TAB2: variants seen among roughly 807,000 people sequenced by gnomAD.
TAB2 encodes TGF-beta-activated kinase 1 and MAP3K7-binding protein 2.
Under a neutral mutation model 65.0 loss-of-function variants are expected in TAB2, and 3 were observed. That is an observed-to-expected ratio of 0.05 (90% CI 0.02 to 0.12). The LOEUF (loss-of-function observed/expected upper bound fraction) is 0.12. Ranked by LOEUF, TAB2 falls within the 10% of genes least tolerant of loss-of-function variation. The pLI, the probability that TAB2 is intolerant of heterozygous loss-of-function variation, is 1.00. For missense variants in TAB2, 623 were observed against 840.3 expected, an observed-to-expected ratio of 0.74 and a Z score of 3.20; for synonymous variants, 298 against 285.1, an observed-to-expected ratio of 1.05 and a Z score of -0.46.
chr6:149,294,960 A>G (rs1373532020), intron 1 of TAB2, among the ~76,000 whole-genome samples: 1 of 152,254 alleles, frequency 6.6e-6, no homozygotes, highest in East Asian at 1.9e-4. Context: ...GAAATATAAC[A>G]CACAGGTAAA....
At chr6:149,218,275 G>T (rs1562376868), upstream of TAB2, among the ~76,000 whole-genome samples, 1 of 152,134 alleles carries the variant, frequency 6.6e-6, no homozygotes. Flanking sequence ...TTGGTTCTTG[G>T]CCACACAGAA....
At chr6:149,232,703 A>G (rs1437369911) in intron 1 of TAB2, among the ~76,000 whole-genome samples, 1 of 152,194 alleles carries the variant, frequency 6.6e-6, no homozygotes, top group East Asian at 1.9e-4. Context: ...AGCTGTCCCT[A>G]TATAGCAAGC....
At chr6:149,250,489 A>T (rs1429173845) in intron 1 of TAB2, among the ~76,000 whole-genome samples, 2 of 152,120 alleles carry the variant, frequency 1.3e-5, no homozygotes, top group Admixed American at 1.3e-4. Flanking sequence ...TATTTTTAGT[A>T]GAGACAGGGT....
At chr6:149,233,214 C>A (rs1777437375) in intron 1 of TAB2, among the ~76,000 whole-genome samples, 1 of 152,170 alleles carries the variant, frequency 6.6e-6, no homozygotes, top group Non-Finnish European at 1.5e-5. Context: ...CAAGGGCTTT[C>A]CAGCACAAGT....
At chr6:149,329,040 A>AG (rs1314895659) in intron 1 of TAB2, among the ~76,000 whole-genome samples, 1 of 152,162 alleles carries the variant, frequency 6.6e-6, no homozygotes, top group African/African-American at 2.4e-5. Context: ...ACAGTGCATT[A>AG]GGTACCAGTG....
intron 1 of TAB2, among the ~76,000 whole-genome samples, chr6:149,240,522 C>T (rs1466311347): frequency 6.6e-6 from 1 of 151,986 alleles, no homozygotes; most frequent in African/African-American, 2.4e-5. Flanking sequence ...TCAGAATGTT[C>T]TGTAAAGTGT....
intron 3 of TAB2, among the ~76,000 whole-genome samples, chr6:149,390,138 A>T (rs1166384723): frequency 3.3e-5 from 5 of 152,206 alleles, no homozygotes; most frequent in African/African-American, 1.2e-4. Context: ...TAATACAGTG[A>T]TATATAAAAC....
intron 3 of TAB2, among the ~76,000 whole-genome samples, chr6:149,386,924 GC>G (rs1216688011): frequency 1.3e-5 from 2 of 152,126 alleles, no homozygotes; most frequent in Non-Finnish European, 2.9e-5. Flanking sequence ...TTGGAGAAAT[GC>G]CTATTCATAT....
At chr6:149,275,286 A>AAGAAAGAAAGAAAGAAAGATAGAT (rs1554255842) in intron 1 of TAB2, among the ~76,000 whole-genome samples, 15 of 146,624 alleles carry the variant, frequency 1.0e-4, no homozygotes, top group African/African-American at 3.5e-4. Context: ...GAAAGAAAGA[A>AAGAAAGAAAGAAAGAAAGATAGAT]AGAAAGAAAG....
intron 1 of TAB2, among the ~76,000 whole-genome samples, chr6:149,267,780 A>T (rs1029708767): frequency 6.6e-6 from 1 of 152,202 alleles, no homozygotes; most frequent in African/African-American, 2.4e-5. Context: ...CCCGTACAGC[A>T]TATTACTGTA....
intron 1 of TAB2, among the ~76,000 whole-genome samples, chr6:149,233,095 A>G (rs1777435335): frequency 6.6e-6 from 1 of 152,182 alleles, no homozygotes; most frequent in Non-Finnish European, 1.5e-5. Context: ...CAGACCCACC[A>G]GCCGGAAGAT....
At chr6:149,351,815 T>G (rs1181639649) in intron 1 of TAB2, among the ~76,000 whole-genome samples, 1 of 152,222 alleles carries the variant, frequency 6.6e-6, no homozygotes, top group Non-Finnish European at 1.5e-5. Flanking sequence ...CATAATTGTC[T>G]CATCTAGTTA....
intron 1 of TAB2, among the ~76,000 whole-genome samples, chr6:149,264,292 A>C (rs1778216388): frequency 6.6e-6 from 1 of 152,186 alleles, no homozygotes; most frequent in Non-Finnish European, 1.5e-5. Context: ...GGTCCCTGAC[A>C]GAGGGATTTA....
At chr6:149,279,217 G>A (rs1290202008) in intron 1 of TAB2, among the ~76,000 whole-genome samples, 1 of 152,262 alleles carries the variant, frequency 6.6e-6, no homozygotes, top group East Asian at 1.9e-4. Context: ...ACCATTCTGT[G>A]TCATTTGACT....
At chr6:149,323,928 T>G (rs901564206) in intron 1 of TAB2, among the ~76,000 whole-genome samples, 2 of 148,910 alleles carry the variant, frequency 1.3e-5, no homozygotes, top group African/African-American at 2.5e-5. Flanking sequence ...ATTTTTTTTC[T>G]TTGCTTTTTT....
intron 1 of TAB2, among the ~76,000 whole-genome samples, chr6:149,259,458 A>G (rs1464650627): frequency 3.3e-5 from 5 of 152,090 alleles, no homozygotes; most frequent in Non-Finnish European, 7.4e-5. Flanking sequence ...TAGGGGGCTT[A>G]TATCTGTCAC....
At chr6:149,219,469 G>A (rs12200718) in intron 1 of TAB2, among the ~76,000 whole-genome samples, 3,076 of 152,196 alleles carry the variant, frequency 0.02, 36 homozygotes, top group Middle Eastern at 0.034. Flanking sequence ...CAGATTGCCC[G>A]CTAGTAAAGT....
intron 1 of TAB2, among the ~76,000 whole-genome samples, chr6:149,289,898 G>A (rs1361262675): frequency 3.3e-5 from 5 of 152,158 alleles, no homozygotes; most frequent in Non-Finnish European, 5.9e-5. Flanking sequence ...GGGTGTGGGC[G>A]TGGGGGGCAC....
At chr6:149,393,766 AGTT>A (rs1200486616) in intron 3 of TAB2, among the ~76,000 whole-genome samples, 3 of 152,186 alleles carry the variant, frequency 2.0e-5, no homozygotes, top group African/African-American at 7.2e-5. Context: ...TTCCATGCAG[AGTT>A]GCATACTAGC....
Sources: allele counts gnomAD v4.1 joint callset (sites outside exome capture counted in the v4.1 genomes callset), GRCh38; gene constraint gnomAD v4.1.1; transcripts MANE v1.5; gene names NCBI Gene and HGNC (gene_info 2026-07-23, HGNC 2026-07-21).